Variants in CTDSPL2 observed in about 807,000 individuals in gnomAD.
The protein encoded by CTDSPL2 is CTD small phosphatase like 2, also known as CTD small phosphatase-like protein 2.
Under a neutral mutation model 60.0 loss-of-function variants are expected in CTDSPL2, and 5 were observed. That is an observed-to-expected ratio of 0.08 (90% CI 0.04 to 0.18). The LOEUF (loss-of-function observed/expected upper bound fraction) is 0.18. Ranked by LOEUF, CTDSPL2 falls within the 10% of genes least tolerant of loss-of-function variation. The pLI, the probability that CTDSPL2 is intolerant of heterozygous loss-of-function variation, is 1.00. For missense variants in CTDSPL2, 370 were observed against 548.8 expected (o/e 0.67, Z 3.26); for synonymous variants, 186 against 189.3 (o/e 0.98, Z 0.14).
intron 10 of CTDSPL2, chr15:44,518,637 T>A (rs1432841546): frequency 6.6e-6 from 1 of 152,264 alleles, no homozygotes; most frequent in Non-Finnish European, 1.5e-5. Context: ...TTATATTTTC[T>A]ATTCTGGCAT....
intron 2 of CTDSPL2, among the ~76,000 whole-genome samples, chr15:44,473,574 C>T (rs905563101): frequency 6.6e-6 from 1 of 152,190 alleles, no homozygotes; most frequent in Non-Finnish European, 1.5e-5. Flanking sequence ...GGATTACAGG[C>T]GTGAACCACT....
chr15:44,463,245 G>A (rs913733534), intron 2 of CTDSPL2, among the ~76,000 whole-genome samples: 1 of 152,134 alleles, frequency 6.6e-6, no homozygotes, highest in African/African-American at 2.4e-5. Flanking sequence ...GGGTTCAAGT[G>A]ATTCTCCTGC....
chr15:44,483,801 C>G (rs2140783013), intron 2 of CTDSPL2, among the ~76,000 whole-genome samples: 1 of 152,282 alleles, frequency 6.6e-6, no homozygotes, highest in Non-Finnish European at 1.5e-5. Flanking sequence ...TCCCCACCCT[C>G]TATTTTTGGG....
intron 1 of CTDSPL2, among the ~76,000 whole-genome samples, chr15:44,452,627 C>T (rs976243136): frequency 2.6e-5 from 4 of 152,068 alleles, no homozygotes; most frequent in African/African-American, 9.7e-5. Flanking sequence ...TATCAAAAAA[C>T]ATACATCCTT....
At chr15:44,467,939 G>A (rs2080729869) in intron 2 of CTDSPL2, among the ~76,000 whole-genome samples, 1 of 152,122 alleles carries the variant, frequency 6.6e-6, no homozygotes, top group African/African-American at 2.4e-5. Context: ...GTAACTTGGA[G>A]TTGATTTGCT....
chr15:44,435,446 T>C (rs1018558343), intron 1 of CTDSPL2, among the ~76,000 whole-genome samples: 45 of 151,396 alleles, frequency 3.0e-4, no homozygotes, highest in Admixed American at 3.0e-3. Flanking sequence ...AGCGCATGCC[T>C]GTAATCCCAG....
chr15:44,519,125 T>C (rs1260075307), intron 10 of CTDSPL2, 44 bp from the exon 11 acceptor site: 2 of 1,355,706 alleles, frequency 1.5e-6, no homozygotes, highest in African/African-American at 3.0e-5. Context: ...TTCTACTTTT[T>C]AGAAAGTTTT....
chr15:44,465,295 A>C (rs533321802), intron 2 of CTDSPL2, among the ~76,000 whole-genome samples: 200 of 152,328 alleles, frequency 1.3e-3, no homozygotes, highest in African/African-American at 4.5e-3. Context: ...GTTTTCTACC[A>C]TGAATCTCTG....
intron 1 of CTDSPL2, among the ~76,000 whole-genome samples, chr15:44,446,847 C>T (rs981173489): frequency 6.7e-6 from 1 of 148,236 alleles, no homozygotes; most frequent in Non-Finnish European, 1.5e-5. Flanking sequence ...CCTCTGCTCT[C>T]GGATTCAAGT....
At chr15:44,433,459 TAC>T (rs56657073) in intron 1 of CTDSPL2, among the ~76,000 whole-genome samples, 74,535 of 147,514 alleles carry the variant, frequency 0.51, 18,937 homozygotes, top group African/African-American at 0.58. Flanking sequence ...TACATATATA[TAC>T]ACACACACAC....
intron 8 of CTDSPL2, among the ~76,000 whole-genome samples, chr15:44,508,727 C>G (rs548479234): frequency 6.6e-6 from 1 of 152,200 alleles, no homozygotes; most frequent in East Asian, 1.9e-4. Flanking sequence ...TCAAGACCAG[C>G]CTGGCCGAGA....
intron 5 of CTDSPL2, among the ~76,000 whole-genome samples, chr15:44,496,118 AAGT>A (rs2081296332): frequency 6.6e-6 from 1 of 152,200 alleles, no homozygotes. Context: ...TTCTAGTAAT[AAGT>A]AGTAGATTTT....
intron 1 of CTDSPL2, 185 bp downstream of exon 1, chr15:44,427,957 C>T: frequency 5.9e-6 from 2 of 337,840 alleles, no homozygotes; most frequent in Admixed American, 4.8e-5. Flanking sequence ...TCTGGACTTT[C>T]CCCTGGGAAC....
intron 1 of CTDSPL2, among the ~76,000 whole-genome samples, chr15:44,450,299 A>G (rs1595708739): frequency 2.0e-5 from 3 of 152,262 alleles, no homozygotes; most frequent in Admixed American, 2.0e-4. Context: ...ATTTAGTCAT[A>G]TAGACACTCC....
chr15:44,479,794 A>G (rs1275588224), intron 2 of CTDSPL2, among the ~76,000 whole-genome samples: 1 of 151,972 alleles, frequency 6.6e-6, no homozygotes, highest in Non-Finnish European at 1.5e-5. Context: ...TTCTTTATCT[A>G]TAGAGGTATT....
intron 11 of CTDSPL2, chr15:44,520,302 A>G (rs2081742645): frequency 1.3e-5 from 2 of 151,522 alleles, no homozygotes; most frequent in Admixed American, 6.6e-5. Flanking sequence ...GCGCGCCACT[A>G]TGCCGTGCTA....
intron 5 of CTDSPL2, among the ~76,000 whole-genome samples, chr15:44,495,719 G>A (rs563225165): frequency 1.6e-4 from 25 of 151,622 alleles, no homozygotes; most frequent in African/African-American, 5.1e-4. Flanking sequence ...GGATCACCTG[G>A]GGTTGGGTGT....
intron 10 of CTDSPL2, among the ~76,000 whole-genome samples, chr15:44,518,392 TGTA>T (rs1212816782): frequency 2.0e-5 from 3 of 152,214 alleles, no homozygotes; most frequent in Non-Finnish European, 1.5e-5. Context: ...TCTAAAATGA[TGTA>T]GTATTTTTCT....
chr15:44,519,176 C>A lies in CTDSPL2; in HGVS notation c.1120C>A (p.Leu374Ile). Residue 374 changes from leucine (L) to isoleucine (I), a missense_variant, in exon 11 of 13, where the codon CTT becomes ATT. By Grantham distance (5) the Leu-to-Ile change is conservative (BLOSUM62 2). Transcript: ENST00000260327. ...TTTTATTTTTATGTTTAGGCACCGG[C>A]TTTTCCGTGAACATTGTGTTTGTGT... ...DPKKQLVRHR[L>I]FREHCVCVQG... 1 of 1,489,030 alleles carries A rather than the reference C, an allele frequency of 6.7e-7. No individual in the cohort carries two copies. Among genetic ancestry groups the A allele is most frequent in the Non-Finnish European group, 8.9e-7 (1 of 1,127,000 alleles). The allele number at this position is 1,489,030 out of a possible 1,614,324, so 92.2% of individuals were successfully genotyped here.
Sources: gnomAD v4.1 joint callset for allele counts (sites outside exome capture counted in the v4.1 genomes callset) on GRCh38, gnomAD v4.1.1 for gene constraint, MANE v1.5 for transcripts, NCBI Gene and HGNC (gene_info 2026-07-23, HGNC 2026-07-21) for gene names.